Variants in PRKCB observed in about 807,000 individuals in gnomAD.
PRKCB encodes protein kinase C beta type.
PRKCB carries 13 observed loss-of-function variants against 81.5 expected under a neutral mutation model. That is an observed-to-expected ratio of 0.16 (90% CI 0.10 to 0.25). The LOEUF (loss-of-function observed/expected upper bound fraction) is 0.25, where lower values mean the gene tolerates loss of function less well. Among genes scored for constraint, PRKCB ranks in the 10% least tolerant of loss-of-function variants. PRKCB has a pLI of 1.00. For missense variants in PRKCB, 509 were observed against 875.7 expected, an observed-to-expected ratio of 0.58 and a Z score of 5.29; for synonymous variants, 335 against 321.4, an observed-to-expected ratio of 1.04 and a Z score of -0.45.
intron 2 of PRKCB, among the ~76,000 whole-genome samples, chr16:23,868,951 G>A (rs1407833171): frequency 6.6e-6 from 1 of 152,230 alleles, no homozygotes; most frequent in African/African-American, 2.4e-5. Flanking sequence ...GAGAATGCCT[G>A]TGTATTGAGC....
chr16:24,184,212 C>T (rs1316964432), intron 13 of PRKCB, among the ~76,000 whole-genome samples: 2 of 151,902 alleles, frequency 1.3e-5, no homozygotes, highest in African/African-American at 2.4e-5. Flanking sequence ...GCCCATAATC[C>T]CAGTGCTTTG....
chr16:24,098,022 G>T (rs894025517), intron 7 of PRKCB, among the ~76,000 whole-genome samples: 1 of 152,184 alleles, frequency 6.6e-6, no homozygotes, highest in Admixed American at 6.5e-5. Flanking sequence ...AAAGGAAGGG[G>T]ATATAATGAG....
At chr16:23,917,158 C>T (rs1169043877) in intron 2 of PRKCB, among the ~76,000 whole-genome samples, 1 of 152,196 alleles carries the variant, frequency 6.6e-6, no homozygotes, top group Non-Finnish European at 1.5e-5. Flanking sequence ...TCTTGGGTCA[C>T]TGCAACCTCC....
At chr16:23,855,758 G>C (rs1253932788) in intron 2 of PRKCB, among the ~76,000 whole-genome samples, 1 of 152,220 alleles carries the variant, frequency 6.6e-6, no homozygotes, top group African/African-American at 2.4e-5. Flanking sequence ...TCCATGGCTG[G>C]AGCTGAGACG....
chr16:24,011,241 T>C (rs1304383596), intron 3 of PRKCB, among the ~76,000 whole-genome samples: 1 of 152,092 alleles, frequency 6.6e-6, no homozygotes, highest in Admixed American at 6.5e-5. Context: ...ACAATTCCAG[T>C]CTCACTGTTT....
At chr16:24,193,655 T>C (rs1202803921) in intron 16 of PRKCB, among the ~76,000 whole-genome samples, 1 of 151,990 alleles carries the variant, frequency 6.6e-6, no homozygotes, top group African/African-American at 2.4e-5. Flanking sequence ...TGGTCCTCCT[T>C]CTAGTCAGGG....
At chr16:23,931,514 T>A (rs1963975207) in intron 2 of PRKCB, among the ~76,000 whole-genome samples, 1 of 152,108 alleles carries the variant, frequency 6.6e-6, no homozygotes. Flanking sequence ...CTGAGTGTCA[T>A]CAGGTTGGGG....
intron 2 of PRKCB, among the ~76,000 whole-genome samples, chr16:23,982,095 C>T (rs1964734681): frequency 5.7e-5 from 4 of 69,706 alleles, no homozygotes; most frequent in Non-Finnish European, 1.1e-4. Context: ...CTTCCCTTTC[C>T]TTTTCCCTTC....
At chr16:24,141,668 G>A (rs910967603) in intron 9 of PRKCB, among the ~76,000 whole-genome samples, 13 of 152,222 alleles carry the variant, frequency 8.5e-5, no homozygotes, top group African/African-American at 1.4e-4. Flanking sequence ...AGGGTACATA[G>A]TTCCTTTTCC....
At chr16:23,932,094 T>G (rs1167818321) in intron 2 of PRKCB, among the ~76,000 whole-genome samples, 1 of 152,164 alleles carries the variant, frequency 6.6e-6, no homozygotes, top group Admixed American at 6.5e-5. Context: ...AAATTCTACA[T>G]AGAAATAACT....
At chr16:23,882,025 C>CTTTCTTT (rs1597226197) in intron 2 of PRKCB, among the ~76,000 whole-genome samples, 196 of 18,262 alleles carry the variant, frequency 0.011, 7 homozygotes, top group Middle Eastern at 0.028. Context: ...TTTCTTTCTT[C>CTTTCTTT]CTTCCTTCCT....
chr16:24,041,791 A>G (rs973346368), intron 5 of PRKCB, among the ~76,000 whole-genome samples: 2 of 151,950 alleles, frequency 1.3e-5, no homozygotes, highest in Non-Finnish European at 2.9e-5. Context: ...TCAGGAGTTC[A>G]AGACCAACGT....
intron 5 of PRKCB, among the ~76,000 whole-genome samples, chr16:24,082,856 G>A (rs1307724907): frequency 2.0e-5 from 3 of 151,672 alleles, no homozygotes; most frequent in Admixed American, 6.6e-5. Context: ...GTGGTAAATT[G>A]TACTTTATTA....
At chr16:24,167,151 A>G (rs1050589777) in intron 10 of PRKCB, among the ~76,000 whole-genome samples, 3 of 152,106 alleles carry the variant, frequency 2.0e-5, no homozygotes, top group African/African-American at 7.2e-5. Context: ...TTAAAAAAAA[A>G]AAAAAAGCCA....
At chr16:24,032,271 G>C (rs760069343) in intron 4 of PRKCB, 24 bp downstream of exon 4, 5 of 1,533,424 alleles carry the variant, frequency 3.3e-6, no homozygotes, top group Non-Finnish European at 4.5e-6. Flanking sequence ...CTCTCTGGGG[G>C]CATCTGCTGA....
chr16:24,118,491 G>A (rs1434985027), intron 8 of PRKCB, among the ~76,000 whole-genome samples: 3 of 152,220 alleles, frequency 2.0e-5, no homozygotes, highest in African/African-American at 7.2e-5. Context: ...CCCCACTGCT[G>A]GGTAGCTGGG....
chr16:23,869,851 A>G (rs1486507639), intron 2 of PRKCB, among the ~76,000 whole-genome samples: 1 of 152,120 alleles, frequency 6.6e-6, no homozygotes, highest in African/African-American at 2.4e-5. Flanking sequence ...GTGACACTCC[A>G]TCTCTACTAA....
At chr16:23,933,698 TATCC>T (rs1378766359) in intron 2 of PRKCB, among the ~76,000 whole-genome samples, 1 of 143,144 alleles carries the variant, frequency 7.0e-6, no homozygotes, top group Non-Finnish European at 1.5e-5. Flanking sequence ...GTTGATTTTC[TATCC>T]ATCCATCCAT....
chr16:24,143,779 G>A (rs1223949286), intron 9 of PRKCB, among the ~76,000 whole-genome samples: 3 of 152,138 alleles, frequency 2.0e-5, no homozygotes, highest in African/African-American at 7.2e-5. Flanking sequence ...AGCCCTAAAG[G>A]TCTCTTTGTC....
Sources: gnomAD v4.1 joint callset for allele counts (sites outside exome capture counted in the v4.1 genomes callset) on GRCh38, gnomAD v4.1.1 for gene constraint, MANE v1.5 for transcripts, NCBI Gene and HGNC (gene_info 2026-07-23, HGNC 2026-07-21) for gene names.